Variants in FSTL4 observed in about 807,000 individuals in gnomAD.
The protein encoded by FSTL4 is follistatin-related protein 4.
In FSTL4, 28 loss-of-function variants were observed where a neutral mutation model predicts 78.2. The ratio of observed to expected loss-of-function variants is 0.36; its 90% CI spans 0.27 to 0.49. The LOEUF is 0.49. Ranked by LOEUF, FSTL4 falls within the 20% of genes least tolerant of loss-of-function variation. The pLI is 0.98. For missense variants in FSTL4, 922 were observed against 1,084.9 expected, an observed-to-expected ratio of 0.85 and a Z score of 2.11; for synonymous variants, 422 against 440.5, an observed-to-expected ratio of 0.96 and a Z score of 0.53.
the FSTL4 span, among the ~76,000 whole-genome samples, chr5:133,748,205 A>AG: frequency 1.4e-5 from 2 of 138,938 alleles, no homozygotes; most frequent in Non-Finnish European, 3.1e-5. Flanking sequence ...AAAAAGAAGA[A>AG]GAAAAAAAAA....
chr5:133,419,142 T>C (rs1756641478), intron 3 of FSTL4, among the ~76,000 whole-genome samples: 1 of 152,222 alleles, frequency 6.6e-6, no homozygotes, highest in Admixed American at 6.5e-5. Flanking sequence ...TATTTTTATT[T>C]TTTGAGATGG....
At chr5:133,748,504 G>C in the FSTL4 span, among the ~76,000 whole-genome samples, 1 of 152,208 alleles carries the variant, frequency 6.6e-6, no homozygotes, top group Non-Finnish European at 1.5e-5. Context: ...CTGGGAGGCA[G>C]AGGTTGCAGT....
chr5:133,770,465 C>A, the FSTL4 span, among the ~76,000 whole-genome samples: 3 of 152,004 alleles, frequency 2.0e-5, no homozygotes, highest in Non-Finnish European at 2.9e-5. Flanking sequence ...ATTTGCATTT[C>A]TCTGATGATT....
intron 3 of FSTL4, among the ~76,000 whole-genome samples, chr5:133,483,766 A>G (rs1758076384): frequency 6.6e-6 from 1 of 152,152 alleles, no homozygotes; most frequent in Non-Finnish European, 1.5e-5. Flanking sequence ...GGGGCAGAAC[A>G]TGCTCAGCAG....
chr5:133,416,222 C>G (rs748857620), intron 3 of FSTL4, among the ~76,000 whole-genome samples: 1 of 152,214 alleles, frequency 6.6e-6, no homozygotes, highest in Non-Finnish European at 1.5e-5. Flanking sequence ...GAAGCTCCTA[C>G]TGGCCAAGTC....
intron 3 of FSTL4, among the ~76,000 whole-genome samples, chr5:133,439,906 C>T (rs1479853189): frequency 6.6e-6 from 1 of 152,202 alleles, no homozygotes; most frequent in Non-Finnish European, 1.5e-5. Flanking sequence ...GAATTCACTT[C>T]CTCAGTAGTA....
At chr5:133,280,091 C>T (rs932432123) in intron 6 of FSTL4, among the ~76,000 whole-genome samples, 6 of 152,204 alleles carry the variant, frequency 3.9e-5, no homozygotes, top group African/African-American at 1.2e-4. Context: ...TGAGAGCACA[C>T]GTTTACGTGG....
At position 133,217,481 on chromosome 5, in the gene FSTL4, C is replaced by G. The variant is rs1426063709; in HGVS notation, c.1459-103G>C. ...CCCTCCTCTGTGCCTTTCTTCCTCT[C>G]TCTTAGAATCCTTTGGATCCATAGA... On this transcript the variant is annotated intron_variant, in intron 12 of 15. Transcript: ENST00000265342. 1.2e-5 allele frequency: 13 copies of G among 1,079,018 alleles called. No individual in the cohort carries two copies. In the East Asian group the frequency reaches 3.1e-4, roughly 26 times the overall value. The allele number at this position is 1,079,018 out of a possible 1,614,324, so 66.8% of individuals were successfully genotyped here. A position where few individuals can be genotyped will look rare whatever the true frequency, so the allele number is the denominator to read the frequency against.
At chr5:133,312,552 C>A (rs2126888146) in intron 6 of FSTL4, 102 bp downstream of exon 6, 1 of 1,109,144 alleles carries the variant, frequency 9.0e-7, no homozygotes, top group Non-Finnish European at 1.3e-6. Flanking sequence ...TATAAGAAAC[C>A]AACCTGGGAG....
the FSTL4 span, among the ~76,000 whole-genome samples, chr5:133,755,702 C>G: frequency 6.6e-6 from 1 of 152,340 alleles, no homozygotes; most frequent in East Asian, 1.9e-4. Flanking sequence ...CAGCTCTCTG[C>G]TTTACAGGAG....
intron 8 of FSTL4, among the ~76,000 whole-genome samples, chr5:133,230,144 C>A (rs1420887716): frequency 6.6e-6 from 1 of 152,190 alleles, no homozygotes; most frequent in African/African-American, 2.4e-5. Context: ...AGGTGGCCAG[C>A]ACCAGGGCTG....
chr5:133,471,795 C>A (rs1244695333), intron 3 of FSTL4, among the ~76,000 whole-genome samples: 1 of 152,186 alleles, frequency 6.6e-6, no homozygotes, highest in South Asian at 2.1e-4. Flanking sequence ...ACCAATGACA[C>A]TGCTTGCTTA....
the FSTL4 span, among the ~76,000 whole-genome samples, chr5:133,838,281 T>C: frequency 6.6e-6 from 1 of 152,242 alleles, no homozygotes; most frequent in African/African-American, 2.4e-5. Flanking sequence ...TTTTATTTAA[T>C]TTTGTAGAGT....
chr5:133,631,066 A>G, the FSTL4 span, among the ~76,000 whole-genome samples: 2 of 152,214 alleles, frequency 1.3e-5, no homozygotes, highest in Non-Finnish European at 1.5e-5. Flanking sequence ...CCTAGGCGAT[A>G]CCATTCAGGA....
chr5:133,532,162 G>A (rs1311249972), intron 3 of FSTL4, among the ~76,000 whole-genome samples: 1 of 152,184 alleles, frequency 6.6e-6, no homozygotes, highest in Non-Finnish European at 1.5e-5. Context: ...TAGACAAGTA[G>A]ACGTCAGAGT....
chr5:133,413,513 A>G (rs1018465549), intron 3 of FSTL4, among the ~76,000 whole-genome samples: 4 of 152,162 alleles, frequency 2.6e-5, no homozygotes, highest in Admixed American at 6.5e-5. Context: ...GCAAACACAC[A>G]TATTTCTTTG....
intron 5 of FSTL4, among the ~76,000 whole-genome samples, chr5:133,314,860 C>G (rs1753866486): frequency 6.6e-6 from 1 of 152,142 alleles, no homozygotes; most frequent in African/African-American, 2.4e-5. Context: ...CTGATGACCT[C>G]TCTATTGAAA....
rs1757989477 is a variant in FSTL4 at position 133,479,701 on chromosome 5, G to A, written c.161-78715C>T. 2.0e-5 allele frequency among the ~76,000 whole-genome samples: 3 copies of A among 152,266 alleles called. No individual in the cohort carries two copies. The South Asian group carries it at 6.2e-4, about 32-fold the overall frequency. The stretch of plus-strand genomic sequence containing the variant: ...GCTGGGGTGGGCATGGGGGTGCCTG[G>A]ATATCGGCATCAAGTTTCTTTTGCA... On this transcript the variant is annotated intron_variant, in intron 3 of 15. Transcript: ENST00000265342.
intron 7 of FSTL4, among the ~76,000 whole-genome samples, chr5:133,238,448 G>A (rs149986380): frequency 2.0e-5 from 3 of 152,344 alleles, no homozygotes; most frequent in African/African-American, 7.2e-5. Flanking sequence ...GTGACATGTG[G>A]TGCCTCGGTG....
Sources: gnomAD v4.1 joint callset for allele counts (sites outside exome capture counted in the v4.1 genomes callset) on GRCh38, gnomAD v4.1.1 for gene constraint, MANE v1.5 for transcripts, NCBI Gene and HGNC (gene_info 2026-07-23, HGNC 2026-07-21) for gene names.